The following RABGEF1 variants were observed in gnomAD, a reference collection of about 807,000 sequenced individuals.
RABGEF1 encodes the protein RAB guanine nucleotide exchange factor 1.
A neutral mutation model predicts 57.3 loss-of-function variants in RABGEF1; 26 were observed. The observed-to-expected ratio is 0.45, with a 90% CI of 0.33 to 0.63. The LOEUF is 0.63. RABGEF1 is among the 20% of genes least tolerant of loss of function. The probability of loss-of-function intolerance (pLI) is 0.02; values close to 1 mark genes in which losing one functional copy is unlikely to be tolerated. For missense variants in RABGEF1, 464 were observed against 607.6 expected (o/e 0.76, Z 2.48); for synonymous variants, 185 against 210.7 (o/e 0.88, Z 1.06).
chr7:66,674,838 A>G, the RABGEF1 span, among the ~76,000 whole-genome samples: 1 of 152,036 alleles, frequency 6.6e-6, no homozygotes, highest in African/African-American at 2.4e-5. Flanking sequence ...AAGGAATGGA[A>G]AAGTTTCATC....
At chr7:66,678,974 T>C (rs1789499613), upstream of RABGEF1, among the ~76,000 whole-genome samples, 1 of 152,208 alleles carries the variant, frequency 6.6e-6, no homozygotes, top group Non-Finnish European at 1.5e-5. Flanking sequence ...AACATCAAAA[T>C]TAGCAGTGGA....
rs751685722 is a variant in RABGEF1, at chr7:66,811,146, C to T, written c.*1862C>T. 18 of 149,944 alleles carry T rather than the reference C, an allele frequency of 1.2e-4. No individual in the cohort carries two copies. The highest frequency in any genetic ancestry group is 2.4e-4 in the Non-Finnish European group (16 of 67,186). The allele number at this position is 149,944 out of a possible 1,614,324, so 9.3% of individuals were successfully genotyped here. Reference sequence around the variant, plus strand: ...TGGAAATACACAGTTCGTTTAGTTACTGTACACTCTGTTTGTTCAATAAAC... The same window carrying T: ...TGGAAATACACAGTTCGTTTAGTTATTGTACACTCTGTTTGTTCAATAAAC... On this transcript the variant is annotated 3_prime_UTR_variant, in exon 9 of 9. Coordinates refer to ENST00000284957, the MANE Select transcript of RABGEF1 (RefSeq NM_014504.3).
At chr7:66,712,284 C>G (rs1489723671) in intron 2 of RABGEF1, 1 of 152,126 alleles carries the variant, frequency 6.6e-6, no homozygotes, top group East Asian at 1.9e-4. Context: ...TTTGACATTT[C>G]TAGCATAAAT....
intron 5 of RABGEF1, chr7:66,797,005 A>G (rs1786105435): frequency 2.6e-6 from 1 of 386,610 alleles, no homozygotes; most frequent in African/African-American, 2.2e-5. Flanking sequence ...CAGTGCTATG[A>G]AAATATACTC....
intron 1 of RABGEF1, among the ~76,000 whole-genome samples, chr7:66,690,100 CTTTTTTTTTT>C (rs892888858): frequency 8.1e-6 from 1 of 124,214 alleles, no homozygotes; most frequent in Admixed American, 8.2e-5. Flanking sequence ...ATAAAAAATT[CTTTTTTTTTT>C]TTTTTTTTTG....
chr7:66,766,234 G>A (rs1347548773), intron 1 of RABGEF1, among the ~76,000 whole-genome samples: 2 of 151,670 alleles, frequency 1.3e-5, no homozygotes, highest in South Asian at 2.1e-4. Context: ...GCTTGAGCTC[G>A]GGAAGTCAAG....
chr7:66,709,853 T>C (rs1794573007), intron 1 of RABGEF1, among the ~76,000 whole-genome samples: 1 of 152,192 alleles, frequency 6.6e-6, no homozygotes, highest in African/African-American at 2.4e-5. Context: ...CTAAGTGTCA[T>C]GTACACCTAG....
At chr7:66,679,264 A>ACGAGG (rs1295428044), upstream of RABGEF1, among the ~76,000 whole-genome samples, 1 of 152,148 alleles carries the variant, frequency 6.6e-6, no homozygotes, top group African/African-American at 2.4e-5. Flanking sequence ...AGGTCACCTC[A>ACGAGG]CGAGGCCACT....
chr7:66,742,235 A>G (rs1345502431), intron 1 of RABGEF1, among the ~76,000 whole-genome samples: 6 of 152,238 alleles, frequency 3.9e-5, no homozygotes, highest in South Asian at 4.1e-4. Flanking sequence ...TATATTGTTA[A>G]TATTTAATGA....
At chr7:66,742,123 CCTGGGCGACAGAGCTAGACT>C (rs2129049101) in intron 1 of RABGEF1, among the ~76,000 whole-genome samples, 1 of 151,510 alleles carries the variant, frequency 6.6e-6, no homozygotes, top group South Asian at 2.1e-4. Context: ...TGCACTCCAG[CCTGGGCGACAGAGCTAGACT>C]CTATCTCAAA....
the RABGEF1 span, among the ~76,000 whole-genome samples, chr7:66,670,422 T>TG: frequency 6.8e-6 from 1 of 145,998 alleles, no homozygotes; most frequent in Admixed American, 6.9e-5. Context: ...ATGGGCTTAT[T>TG]GAATGAGATG....
At chr7:66,738,030 T>TTTTTTTTTTTGTTTTTG (rs1562756395), upstream of RABGEF1, among the ~76,000 whole-genome samples, 2 of 146,972 alleles carry the variant, frequency 1.4e-5, no homozygotes, top group Admixed American at 1.3e-4. Flanking sequence ...TTTGTTTTTT[T>TTTTTTTTTTTGTTTTTG]TTTTTTTTGA....
At chr7:66,702,324 C>T (rs761943122) in intron 1 of RABGEF1, among the ~76,000 whole-genome samples, 14 of 149,858 alleles carry the variant, frequency 9.3e-5, no homozygotes, top group Middle Eastern at 3.4e-3. Flanking sequence ...TGGGTGGCTT[C>T]CACCTTCTGG....
chr7:66,704,593 G>A (rs374708220), intron 1 of RABGEF1, among the ~76,000 whole-genome samples: 1 of 151,626 alleles, frequency 6.6e-6, no homozygotes, highest in East Asian at 2.0e-4. Flanking sequence ...GGTGGATCAC[G>A]AGGTCAGGAG....
chr7:66,665,311 A>ATTTTTT, the RABGEF1 span: 1 of 148,760 alleles, frequency 6.7e-6, no homozygotes, highest in Non-Finnish European at 1.5e-5. Context: ...TGCCGTGCTA[A>ATTTTTT]TTTTTTTTTT....
chr7:66,755,106 A>G (rs1168726403), intron 1 of RABGEF1, among the ~76,000 whole-genome samples: 1 of 152,198 alleles, frequency 6.6e-6, no homozygotes, highest in Non-Finnish European at 1.5e-5. Context: ...CATCCTGGCT[A>G]ACACAGTAAA....
intron 1 of RABGEF1, among the ~76,000 whole-genome samples, chr7:66,764,935 C>T (rs1026865510): frequency 6.6e-6 from 1 of 152,230 alleles, no homozygotes. Context: ...TTTGGCCATT[C>T]TGGGCCCTTG....
At chr7:66,773,854 C>A (rs566905820) in intron 2 of RABGEF1, 11 of 418,074 alleles carry the variant, frequency 2.6e-5, no homozygotes, top group Admixed American at 1.3e-4. Context: ...TATGTAGAGA[C>A]AGGGTTTCAC....
Position 66,772,164 on chromosome 7 carries a change from T to G in RABGEF1, c.179+86T>G, listed in dbSNP as rs557083758. The G allele has an allele frequency of 9.0e-5, 99 of 1,095,156 alleles. 2 individuals are homozygous for G. The East Asian group carries it at 2.8e-3, about 31-fold the overall frequency. The allele number at this position is 1,095,156 out of a possible 1,614,324, so 67.8% of individuals were successfully genotyped here. A position where few individuals can be genotyped will look rare whatever the true frequency, so the allele number is the denominator to read the frequency against. On this transcript the variant is annotated intron_variant, in intron 2 of 8. Transcript: ENST00000284957. ...CCGTCTAAATACATTTTTTCACTTCTGCTTTGAGCTATCAGCAAGTCAGTT... is the reference window on the plus strand; with the variant it reads ...CCGTCTAAATACATTTTTTCACTTCGGCTTTGAGCTATCAGCAAGTCAGTT...
Sources: gnomAD v4.1 joint callset for allele counts (sites outside exome capture counted in the v4.1 genomes callset) on GRCh38, gnomAD v4.1.1 for gene constraint, MANE v1.5 for transcripts, NCBI Gene and HGNC (gene_info 2026-07-23, HGNC 2026-07-21) for gene names.